The following KLHL1 variants were observed in gnomAD, a reference collection of about 807,000 sequenced individuals.
KLHL1 encodes kelch-like protein 1.
In KLHL1, 47 loss-of-function variants were observed where a neutral mutation model predicts 77.7. The observed-to-expected ratio is 0.60, with a 90% CI of 0.48 to 0.77. KLHL1 has a LOEUF of 0.77. Ranked by LOEUF, KLHL1 falls within the 30% of genes least tolerant of loss-of-function variation. The pLI, the probability that KLHL1 is intolerant of heterozygous loss-of-function variation, is 0.00. For synonymous variants in KLHL1, 360 were observed against 325.2 expected, an observed-to-expected ratio of 1.11 and a Z score of -1.15; for missense variants, 925 against 910.8, an observed-to-expected ratio of 1.02 and a Z score of -0.20.
intron 2 of KLHL1, among the ~76,000 whole-genome samples, chr13:69,973,912 A>C (rs927317131): frequency 1.3e-5 from 2 of 152,004 alleles, no homozygotes; most frequent in African/African-American, 4.8e-5. Flanking sequence ...TAATTTAACC[A>C]ATCAGAAACC....
intron 4 of KLHL1, among the ~76,000 whole-genome samples, chr13:69,910,009 A>G (rs981415408): frequency 1.3e-5 from 2 of 152,098 alleles, no homozygotes; most frequent in Non-Finnish European, 2.9e-5. Context: ...TTCAGTAGAA[A>G]AAAATAATTG....
At chr13:69,772,247 T>G (rs1875608156) in intron 7 of KLHL1, among the ~76,000 whole-genome samples, 1 of 152,062 alleles carries the variant, frequency 6.6e-6, no homozygotes, top group South Asian at 2.1e-4. Context: ...ATGGTATATC[T>G]ATTATAATAA....
chr13:69,996,910 A>ATTTTT lies in KLHL1; in HGVS notation c.498-21113_498-21109dup, dbSNP rs10549532. 2.7e-3 allele frequency among the ~76,000 whole-genome samples: 195 copies of ATTTTT among 71,232 alleles called. 4 individuals carry two copies. The highest frequency in any genetic ancestry group is 3.2e-3 in the Admixed American group (14 of 4,364). The allele number at this position is 71,232 out of a possible 152,430, so 46.7% of individuals were successfully genotyped here. On this transcript the variant is annotated intron_variant, in intron 1 of 10. Transcript: ENST00000377844. ...GAAAAGTTCTTATTTTATTCATTAAATTTTTTTTTTTTTTTTTTTTTTTTT... is the reference window on the plus strand; with the variant it reads ...GAAAAGTTCTTATTTTATTCATTAAATTTTTTTTTTTTTTTTTTTTTTTTTTTTTT...
chr13:69,772,905 G>C (rs1015995709), intron 7 of KLHL1, among the ~76,000 whole-genome samples: 3 of 152,086 alleles, frequency 2.0e-5, no homozygotes, highest in African/African-American at 7.2e-5. Flanking sequence ...TTTGATTCAA[G>C]AGATAGAGTT....
intron 6 of KLHL1, among the ~76,000 whole-genome samples, chr13:69,807,796 G>C (rs78427274): frequency 0.011 from 1,601 of 152,262 alleles, 28 homozygotes; most frequent in African/African-American, 0.037. Flanking sequence ...ACTGGAGTGC[G>C]AGGAGTGTTG....
At chr13:69,902,935 C>A (rs1881920837) in intron 4 of KLHL1, among the ~76,000 whole-genome samples, 1 of 152,052 alleles carries the variant, frequency 6.6e-6, no homozygotes, top group African/African-American at 2.4e-5. Context: ...AATTCAATAC[C>A]ATAGCTTTTC....
chr13:69,952,022 C>A (rs2482577), intron 3 of KLHL1, among the ~76,000 whole-genome samples: 2 of 151,362 alleles, frequency 1.3e-5, no homozygotes, highest in African/African-American at 2.4e-5. Flanking sequence ...GGATAGTGCA[C>A]TTTGAAGCCA....
intron 8 of KLHL1, among the ~76,000 whole-genome samples, chr13:69,734,260 C>A (rs867316792): frequency 3.9e-5 from 6 of 152,138 alleles, no homozygotes; most frequent in South Asian, 4.1e-4. Flanking sequence ...CCTGCTCCCC[C>A]CTGGCCTTCT....
chr13:69,780,106 C>A (rs942308397), intron 7 of KLHL1, among the ~76,000 whole-genome samples: 2 of 152,094 alleles, frequency 1.3e-5, no homozygotes, highest in South Asian at 4.1e-4. Flanking sequence ...CCGTGCCCAG[C>A]CATTTTTTCT....
chr13:69,947,936 G>C (rs1883581921), intron 3 of KLHL1, among the ~76,000 whole-genome samples: 1 of 152,030 alleles, frequency 6.6e-6, no homozygotes, highest in African/African-American at 2.4e-5. Flanking sequence ...TGATTTCAAG[G>C]CATAACGTTC....
rs1216818085 is a variant in KLHL1, at chr13:69,786,310, G to A, written c.1639+10428C>T. 8.5e-5 allele frequency among the ~76,000 whole-genome samples: 13 copies of A among 152,278 alleles called. No homozygotes were observed. The East Asian group carries it at 1.4e-3, about 16-fold the overall frequency. ...AGCACATCAAAAGCTTATCCACCAT[G>A]ATCAAGTGGGCTTCATCCCTGGGAT... is the stretch of plus-strand genomic sequence containing the variant. On this transcript the variant is annotated intron_variant, in intron 7 of 10. Transcript: ENST00000377844.
intron 1 of KLHL1, among the ~76,000 whole-genome samples, chr13:70,071,466 T>C (rs299532): frequency 1.3e-5 from 2 of 151,622 alleles, no homozygotes; most frequent in Non-Finnish European, 2.9e-5. Context: ...ATATGTAAAA[T>C]AGTGGTTGAA....
At chr13:69,812,732 C>T (rs977728902) in intron 6 of KLHL1, among the ~76,000 whole-genome samples, 1 of 151,354 alleles carries the variant, frequency 6.6e-6, no homozygotes, top group African/African-American at 2.4e-5. Flanking sequence ...CTCATCATCA[C>T]TGGCCATCAG....
intron 1 of KLHL1, among the ~76,000 whole-genome samples, chr13:70,088,585 A>G (rs949644342): frequency 1.3e-5 from 2 of 152,116 alleles, no homozygotes; most frequent in African/African-American, 4.8e-5. Flanking sequence ...TAGGATGCTG[A>G]GGCAAGAGGA....
At chr13:70,047,684 C>T (rs1466940932) in intron 1 of KLHL1, among the ~76,000 whole-genome samples, 1 of 152,084 alleles carries the variant, frequency 6.6e-6, no homozygotes, top group Non-Finnish European at 1.5e-5. Flanking sequence ...AAACTCGCAG[C>T]TAAATACACA....
chr13:69,982,208 C>T lies in KLHL1; in HGVS notation c.498-6406G>A, dbSNP rs183050370. 1.4e-3 allele frequency among the ~76,000 whole-genome samples: 211 copies of T among 151,678 alleles called. 4 individuals are homozygous for T. The highest frequency in any genetic ancestry group is 0.012 in the East Asian group (64 of 5,160). Reference sequence around the variant, plus strand: ...TAGCACTTTGGGAGGCCAAGGCGGGCGGATTACCTGAGTTCAGGAGTTTGA... The same window carrying T: ...TAGCACTTTGGGAGGCCAAGGCGGGTGGATTACCTGAGTTCAGGAGTTTGA... On this transcript the variant is annotated intron_variant, in intron 1 of 10. Transcript: ENST00000377844.
At chr13:70,091,489 G>C (rs1195376900) in intron 1 of KLHL1, among the ~76,000 whole-genome samples, 2 of 152,050 alleles carry the variant, frequency 1.3e-5, no homozygotes, top group Non-Finnish European at 2.9e-5. Flanking sequence ...CTCTAAAAGA[G>C]TCCATCCACA....
intron 5 of KLHL1, among the ~76,000 whole-genome samples, chr13:69,874,001 T>G (rs1880676281): frequency 1.3e-5 from 2 of 152,098 alleles, no homozygotes; most frequent in African/African-American, 4.8e-5. Context: ...ATAAAAAGAC[T>G]TAGTCATGAT....
intron 1 of KLHL1, among the ~76,000 whole-genome samples, chr13:70,006,648 T>C (rs1373259910): frequency 1.3e-5 from 2 of 151,936 alleles, no homozygotes; most frequent in African/African-American, 4.8e-5. Context: ...AAGATGCCCC[T>C]TACTGGAAAT....
Sources: allele counts gnomAD v4.1 joint callset (sites outside exome capture counted in the v4.1 genomes callset), GRCh38; gene constraint gnomAD v4.1.1; transcripts MANE v1.5; gene names NCBI Gene and HGNC (gene_info 2026-07-23, HGNC 2026-07-21).